The following TOPAZ1 variants were observed in gnomAD, a reference collection of about 807,000 sequenced individuals.
TOPAZ1 encodes the protein testis and ovary specific TOPAZ 1, also known as protein TOPAZ1.
TOPAZ1 carries 66 observed loss-of-function variants against 172.2 expected under a neutral mutation model. That is an observed-to-expected ratio of 0.38 (90% CI 0.31 to 0.47). The LOEUF (loss-of-function observed/expected upper bound fraction) is 0.47, where lower values mean the gene tolerates loss of function less well. Among genes scored for constraint, TOPAZ1 ranks in the 20% least tolerant of loss-of-function variants. TOPAZ1 has a pLI of 0.99. For missense variants in TOPAZ1, 1,822 were observed against 1,972.4 expected (o/e 0.92, Z 1.44); for synonymous variants, 681 against 683.9 (o/e 1.00, Z 0.07).
chr3:44,269,416 A>G (rs1699868837), intron 7 of TOPAZ1, 115 bp downstream of exon 7: 1 of 561,756 alleles, frequency 1.8e-6, no homozygotes, highest in Non-Finnish European at 3.2e-6. Flanking sequence ...CTCCCCTTAA[A>G]AAAATAATTT....
At chr3:44,295,087 G>A (rs148636934) in intron 12 of TOPAZ1, among the ~76,000 whole-genome samples, 59 of 152,128 alleles carry the variant, frequency 3.9e-4, no homozygotes, top group African/African-American at 1.4e-3. Context: ...TTACTTGAAC[G>A]TTTTTTAGAA....
intron 12 of TOPAZ1, among the ~76,000 whole-genome samples, chr3:44,296,833 G>A (rs1474289208): frequency 1.0e-5 from 1 of 95,608 alleles, no homozygotes; most frequent in Non-Finnish European, 2.0e-5. Context: ...TCCAAAACCA[G>A]ACACAGAGAA....
At chr3:44,290,397 C>A (rs979082582) in intron 11 of TOPAZ1, among the ~76,000 whole-genome samples, 1 of 152,078 alleles carries the variant, frequency 6.6e-6, no homozygotes, top group African/African-American at 2.4e-5. Context: ...ATCACTGATT[C>A]TTCTCTGGCC....
chr3:44,288,118 T>C (rs1175151802), intron 11 of TOPAZ1, among the ~76,000 whole-genome samples: 1 of 152,160 alleles, frequency 6.6e-6, no homozygotes, highest in Non-Finnish European at 1.5e-5. Context: ...AATAAAATTT[T>C]CTTTCTCTAA....
At position 44,332,024 on chromosome 3, in the gene TOPAZ1, G is replaced by GT; in HGVS notation, c.*13_*14insT. ...CAGTAACCATTAGCTAATAAAGTCT[G>GT]CTTTTTTTTTTTTTTTAGTTCAAGT... On this transcript the variant is annotated 3_prime_UTR_variant, in exon 20 of 20. Coordinates refer to ENST00000309765, the MANE Select transcript of TOPAZ1 (RefSeq NM_001145030.2). 1.4e-6 allele frequency: 2 copies of GT among 1,437,878 alleles called. No homozygotes were observed. The highest frequency in any genetic ancestry group is 1.4e-5 in the South Asian group (1 of 72,230). The allele number at this position is 1,437,878 out of a possible 1,614,324, so 89.1% of individuals were successfully genotyped here.
intron 17 of TOPAZ1, 33 bp downstream of exon 17, chr3:44,321,224 C>T: frequency 6.8e-7 from 1 of 1,463,848 alleles, no homozygotes; most frequent in Non-Finnish European, 9.2e-7. Flanking sequence ...TTAATTATCT[C>T]TTGCCCATCT....
chr3:44,308,374 G>C (rs939366684), intron 15 of TOPAZ1, among the ~76,000 whole-genome samples: 7 of 150,996 alleles, frequency 4.6e-5, no homozygotes, highest in African/African-American at 1.7e-4. Context: ...GGGAACATGC[G>C]GTGTTTGGTT....
chr3:44,316,877 G>A (rs997554277), intron 16 of TOPAZ1, among the ~76,000 whole-genome samples: 1 of 152,100 alleles, frequency 6.6e-6, no homozygotes, highest in East Asian at 1.9e-4. Context: ...AATCTGTTGG[G>A]TCTGTTTCTG....
intron 17 of TOPAZ1, among the ~76,000 whole-genome samples, chr3:44,322,445 A>G (rs1700548586): frequency 6.6e-6 from 1 of 152,256 alleles, no homozygotes; most frequent in African/African-American, 2.4e-5. Flanking sequence ...ACATGTGGGA[A>G]TCAAATACAG....
At chr3:44,327,784 G>A (rs114854523) in intron 18 of TOPAZ1, among the ~76,000 whole-genome samples, 1,824 of 151,404 alleles carry the variant, frequency 0.012, 23 homozygotes, top group Non-Finnish European at 0.018. Context: ...TCACACTGTC[G>A]CCTAGGCTGG....
At chr3:44,298,910 T>TATATATATATGTA (rs1491140048) in intron 12 of TOPAZ1, among the ~76,000 whole-genome samples, 1 of 16,222 alleles carries the variant, frequency 6.2e-5, no homozygotes, top group African/African-American at 1.7e-4. Flanking sequence ...TATATATATA[T>TATATATATATGTA]TTTTTTTTTT....
chr3:44,265,182 T>C (rs1000176793), intron 5 of TOPAZ1, among the ~76,000 whole-genome samples: 1 of 152,250 alleles, frequency 6.6e-6, no homozygotes, highest in Admixed American at 6.5e-5. Flanking sequence ...CCTAATTAAA[T>C]GTATTTCTTA....
chr3:44,318,993 C>T (rs369568319), intron 16 of TOPAZ1, among the ~76,000 whole-genome samples: 170 of 152,076 alleles, frequency 1.1e-3, no homozygotes, highest in African/African-American at 3.9e-3. Context: ...AGCAGTTCCC[C>T]TCCATGCCCA....
intron 8 of TOPAZ1, among the ~76,000 whole-genome samples, chr3:44,276,624 CTTTTTTTTT>C (rs762865769): frequency 0.031 from 751 of 24,064 alleles, 6 homozygotes; most frequent in Middle Eastern, 0.059. Context: ...CAGCTTTGTT[CTTTTTTTTT>C]TTTTTTTTTT....
chr3:44,332,940 A>T (rs181618923), downstream of TOPAZ1, among the ~76,000 whole-genome samples: 2 of 151,536 alleles, frequency 1.3e-5, no homozygotes, highest in East Asian at 1.9e-4. Flanking sequence ...CTGAGACTAC[A>T]GGTATGCGCC....
chr3:44,309,109 T>C (rs1427184739), intron 15 of TOPAZ1, among the ~76,000 whole-genome samples: 3 of 152,244 alleles, frequency 2.0e-5, no homozygotes, highest in Non-Finnish European at 2.9e-5. Flanking sequence ...AGCTACTTAC[T>C]ATCTGGCCAT....
chr3:44,318,678 T>C (rs916958595), intron 16 of TOPAZ1, among the ~76,000 whole-genome samples: 1 of 151,590 alleles, frequency 6.6e-6, no homozygotes, highest in African/African-American at 2.4e-5. Context: ...GCCTGAGATA[T>C]TTCAGCATCA....
At position 44,244,804 on chromosome 3, in the gene TOPAZ1, C is replaced by G; in HGVS notation, c.2298C>G (p.Ser766=). ...CTGACTCATTCTACAATAAGAAATC[C>G]TATAGTATTTCTCCAAGCTTTACAA... ...ASSDSFYNKK[S]YSISPSFTKQ... Residue 766 remains serine (S), a synonymous_variant, in exon 2 of 20, where the codon TCC becomes TCG. Transcript: ENST00000309765. The G allele has an allele frequency of 1.3e-6, 2 of 1,551,536 alleles. No homozygotes were observed. Among genetic ancestry groups the G allele is most frequent in the Non-Finnish European group, 1.7e-6 (2 of 1,146,978 alleles).
At chr3:44,248,250 G>A (rs1252559360) in intron 2 of TOPAZ1, among the ~76,000 whole-genome samples, 2 of 152,056 alleles carry the variant, frequency 1.3e-5, no homozygotes, top group Admixed American at 6.6e-5. Context: ...TCCACCTTGG[G>A]AATGGTAATT....
Sources: allele counts gnomAD v4.1 joint callset (sites outside exome capture counted in the v4.1 genomes callset), GRCh38; gene constraint gnomAD v4.1.1; transcripts MANE v1.5; gene names NCBI Gene and HGNC (gene_info 2026-07-23, HGNC 2026-07-21).